WNT11: variants seen among roughly 807,000 people sequenced by gnomAD.
WNT11 encodes the protein protein Wnt-11.
Under a neutral mutation model 35.6 loss-of-function variants are expected in WNT11, and 20 were observed. The ratio of observed to expected loss-of-function variants is 0.56; its 90% CI spans 0.40 to 0.82. The LOEUF (loss-of-function observed/expected upper bound fraction) is 0.82. WNT11 is among the 40% of genes least tolerant of loss of function. The pLI is 0.00. For missense variants in WNT11, 459 were observed against 504.4 expected (o/e 0.91, Z 0.86); for synonymous variants, 200 against 211.9 (o/e 0.94, Z 0.49).
intron 3 of WNT11, among the ~76,000 whole-genome samples, chr11:76,193,206 T>G (rs1953211538): frequency 6.6e-6 from 1 of 152,254 alleles, no homozygotes; most frequent in Non-Finnish European, 1.5e-5. Context: ...AGCTTCCTGG[T>G]GTATTAAACA....
chr11:76,193,920 A>G (rs1276127377), intron 3 of WNT11, among the ~76,000 whole-genome samples: 1 of 152,188 alleles, frequency 6.6e-6, no homozygotes. Flanking sequence ...AAAGGTATGG[A>G]GCACCAAACA....
chr11:76,191,178 T>C (rs1384360303), intron 4 of WNT11, among the ~76,000 whole-genome samples: 1 of 152,222 alleles, frequency 6.6e-6, no homozygotes, highest in Non-Finnish European at 1.5e-5. Flanking sequence ...GTATGGCCTT[T>C]ACCCGTCATC....
At chr11:76,204,232 T>TAA (rs1953432736) in intron 1 of WNT11, among the ~76,000 whole-genome samples, 1 of 152,190 alleles carries the variant, frequency 6.6e-6, no homozygotes, top group Non-Finnish European at 1.5e-5. Flanking sequence ...CCACCCCTTT[T>TAA]CCCACCTCCC....
At chr11:76,199,552 C>T (rs1953342111) in intron 1 of WNT11, among the ~76,000 whole-genome samples, 1 of 151,938 alleles carries the variant, frequency 6.6e-6, no homozygotes. Context: ...GATGTGTAAT[C>T]CCAGCAATTT....
At chr11:76,198,575 A>G (rs4944092) in intron 1 of WNT11, among the ~76,000 whole-genome samples, 52,843 of 152,082 alleles carry the variant, frequency 0.35, 9,483 homozygotes, top group African/African-American at 0.43. Context: ...CTGGACATGA[A>G]TGAACTTGAT....
At chr11:76,209,566 C>T (rs1210230000), upstream of WNT11, among the ~76,000 whole-genome samples, 16 of 152,212 alleles carry the variant, frequency 1.1e-4, no homozygotes, top group Non-Finnish European at 2.4e-4. Flanking sequence ...GCGACGGCTT[C>T]AAGGTTACCT....
chr11:76,209,905 C>G (rs1182423644), upstream of WNT11, among the ~76,000 whole-genome samples: 1 of 151,932 alleles, frequency 6.6e-6, no homozygotes, highest in Admixed American at 6.5e-5. Flanking sequence ...CCCTAGCCCC[C>G]AGCCTGGAGC....
upstream of WNT11, among the ~76,000 whole-genome samples, chr11:76,207,824 CTT>C (rs1953497450): frequency 1.3e-5 from 2 of 152,170 alleles, no homozygotes; most frequent in East Asian, 3.9e-4. Context: ...GCTATCTCCG[CTT>C]TTTTTCTCCT....
In WNT11 at chr11:76,206,337, C is replaced by T; in HGVS notation, c.71G>A (p.Gly24Asp). 1 of 1,569,516 alleles carries T rather than the reference C, an allele frequency of 6.4e-7. No individual in the cohort carries two copies. The highest frequency in any genetic ancestry group is 8.6e-7 in the Non-Finnish European group (1 of 1,161,832). The part of the protein sequence containing the change: ...ALALQTGVCY[G>D]IKWLALSKTP... ...GGTCCCTACTCACAGCCACTTGATG[C>T]CATAGCACACGCCGGTCTGGAGCGC... The change falls in exon 1 of 5, where the codon GGC becomes GAC. Residue 24 changes from glycine (G) to aspartate (D), a missense_variant. Transcript: ENST00000322563.
rs1591307003 is a variant in WNT11, at chr11:76,196,802, C to T, written c.84-84G>A. 12 of 1,400,696 alleles carry T rather than the reference C, an allele frequency of 8.6e-6. 1 individual carries two copies. Among genetic ancestry groups the T allele is most frequent in the Middle Eastern group, 2.6e-4 (1 of 3,874 alleles). The allele number at this position is 1,400,696 out of a possible 1,614,324, so 86.8% of individuals were successfully genotyped here. On this transcript the variant is annotated intron_variant, in intron 1 of 4. Coordinates refer to ENST00000322563, the MANE Select transcript of WNT11 (RefSeq NM_004626.3). ...CATGGCCTCCACCCGCCCTTCTGGCCCCAGCCTTTCCCTCAATGGACTTTG... is the reference window on the plus strand; with the variant it reads ...CATGGCCTCCACCCGCCCTTCTGGCTCCAGCCTTTCCCTCAATGGACTTTG...
rs543335325 is a variant in WNT11 at position 76,186,670 on chromosome 11, A to G, written c.*395T>C. 2 of 352,352 alleles carry G rather than the reference A, an allele frequency of 5.7e-6. No homozygotes were observed. Among genetic ancestry groups the G allele is most frequent in the Non-Finnish European group, 1.1e-5 (2 of 177,674 alleles). 21.8% of individuals were successfully genotyped at this position (352,352 alleles called of 1,614,324 possible). A position where few individuals can be genotyped will look rare whatever the true frequency, so the allele number is the denominator to read the frequency against. On this transcript the variant is annotated 3_prime_UTR_variant, in exon 5 of 5. Transcript: ENST00000322563. ...GGTGGGCCCAGCAGGCTCAGACCCC[A>G]GGGTGGGCCAGGGGGTCCCGCAGAA...
chr11:76,201,145 A>C (rs903094737), intron 1 of WNT11, among the ~76,000 whole-genome samples: 3 of 152,180 alleles, frequency 2.0e-5, no homozygotes, highest in African/African-American at 7.2e-5. Context: ...CTGTCAGAGC[A>C]CCTTCCAGAC....
chr11:76,201,118 G>A (rs1410544146), intron 1 of WNT11, among the ~76,000 whole-genome samples: 7 of 152,232 alleles, frequency 4.6e-5, no homozygotes, highest in Admixed American at 4.6e-4. Flanking sequence ...CTCCCCAGAA[G>A]GCTCAGGGAG....
upstream of WNT11, among the ~76,000 whole-genome samples, chr11:76,208,884 C>G (rs1197995108): frequency 6.6e-6 from 1 of 152,182 alleles, no homozygotes; most frequent in Non-Finnish European, 1.5e-5. Context: ...CCGGGACAGC[C>G]GCGCAGGCCA....
At chr11:76,210,252 C>G (rs1953546002), upstream of WNT11, 1 of 250,396 alleles carries the variant, frequency 4.0e-6, no homozygotes, top group Admixed American at 6.5e-5. Context: ...GCCCCTAAAC[C>G]CCGCGTCCCC....
At chr11:76,207,621 G>T (rs1953494367), upstream of WNT11, among the ~76,000 whole-genome samples, 1 of 152,156 alleles carries the variant, frequency 6.6e-6, no homozygotes, top group Admixed American at 6.5e-5. Flanking sequence ...TGAGGATTCC[G>T]AGTCTCCAAG....
chr11:76,196,368 T>C (rs1167570820), intron 2 of WNT11, 115 bp downstream of exon 2: 11 of 1,208,704 alleles, frequency 9.1e-6, no homozygotes, highest in Non-Finnish European at 1.3e-5. Flanking sequence ...CATTCATCCA[T>C]GAATCCATCA....
intron 3 of WNT11, among the ~76,000 whole-genome samples, chr11:76,193,742 T>C (rs968298413): frequency 2.6e-5 from 4 of 152,222 alleles, no homozygotes; most frequent in Non-Finnish European, 5.9e-5. Flanking sequence ...TCAGCCTCAC[T>C]TAGTGCCTCT....
intron 4 of WNT11, among the ~76,000 whole-genome samples, chr11:76,190,253 T>C (rs1024669181): frequency 1.3e-5 from 2 of 152,086 alleles, no homozygotes; most frequent in South Asian, 4.1e-4. Flanking sequence ...CAGAGCCACA[T>C]ATGGATCCAG....
Sources: allele counts gnomAD v4.1 joint callset (sites outside exome capture counted in the v4.1 genomes callset), GRCh38; gene constraint gnomAD v4.1.1; transcripts MANE v1.5; gene names NCBI Gene and HGNC (gene_info 2026-07-23, HGNC 2026-07-21).